The following CFAP47 variants were observed in gnomAD, a reference collection of about 807,000 sequenced individuals.
CFAP47 encodes the protein cilia and flagella associated protein 47, also known as cilia- and flagella-associated protein 47.
A neutral mutation model predicts 148.1 loss-of-function variants in CFAP47; 29 were observed. The observed-to-expected ratio is 0.20, with a 90% CI of 0.15 to 0.27. The LOEUF is 0.27. CFAP47 is among the 10% of genes least tolerant of loss of function. The probability of loss-of-function intolerance (pLI) is 1.00; values close to 1 mark genes in which losing one functional copy is unlikely to be tolerated. For missense variants in CFAP47, 1,872 were observed against 1,697.5 expected, an observed-to-expected ratio of 1.10 and a Z score of -1.81; for synonymous variants, 664 against 577.3, an observed-to-expected ratio of 1.15 and a Z score of -2.15.
chrX:36,171,353 T>C (rs1939575929), intron 39 of CFAP47, among the ~76,000 whole-genome samples: 1 of 111,379 alleles, frequency 9.0e-6, no homozygotes, highest in Admixed American at 9.6e-5. Flanking sequence ...TTTGGTGTTT[T>C]AGACATGAAG....
At chrX:36,232,864 C>T (rs1209485434) in intron 46 of CFAP47, among the ~76,000 whole-genome samples, 12 of 111,935 alleles carry the variant, frequency 1.1e-4, no homozygotes, top group African/African-American at 3.6e-4. Context: ...GCCTTCATTT[C>T]GTTATGTATC....
intron 26 of CFAP47, among the ~76,000 whole-genome samples, chrX:36,049,494 A>T (rs762637658): frequency 0.089 from 9,156 of 103,397 alleles, 958 homozygotes; most frequent in African/African-American, 0.3. Flanking sequence ...TCTCTCACAC[A>T]CACACACACA....
At chrX:36,172,329 C>T (rs1398964850) in intron 39 of CFAP47, among the ~76,000 whole-genome samples, 2 of 106,798 alleles carry the variant, frequency 1.9e-5, no homozygotes, top group Admixed American at 1.0e-4. Flanking sequence ...GAACTTCCAA[C>T]ACTATGTTGA....
chrX:35,962,185 ACAGATTT>A (rs1936341106), intron 8 of CFAP47, among the ~76,000 whole-genome samples: 1 of 111,825 alleles, frequency 8.9e-6, no homozygotes, highest in South Asian at 3.7e-4. Context: ...AACATACTGC[ACAGATTT>A]CAATCCTTTT....
In CFAP47 at chrX:36,088,789, GATTA is replaced by G. The variant is rs112806430; in HGVS notation, c.4916+3259_4916+3262del. 9.6e-3 allele frequency among the ~76,000 whole-genome samples: 1,063 copies of G among 111,137 alleles called. 7 individuals are homozygous for G. Among genetic ancestry groups the G allele is most frequent in the African/African-American group, 0.033 (1,002 of 30,609 alleles). On this transcript the variant is annotated intron_variant, in intron 30 of 63. Coordinates refer to ENST00000378653, the MANE Select transcript of CFAP47 (RefSeq NM_001304548.2). ...TTGTTTATAGTTATTATCATTTTATGATTAATTAATTTTCATTGAAAATAATAAA... is the reference window on the plus strand; with the variant it reads ...TTGTTTATAGTTATTATCATTTTATGATTAATTTTCATTGAAAATAATAAA...
chrX:35,925,960 AT>A (rs375246793), intron 1 of CFAP47, 56 bp from the exon 2 acceptor site: 6,127 of 862,675 alleles, frequency 7.1e-3, no homozygotes, highest in Admixed American at 0.011. Context: ...CAGCCATGGT[AT>A]TTTTTTTTTA....
At chrX:36,234,721 C>A (rs1940428716) in intron 46 of CFAP47, among the ~76,000 whole-genome samples, 1 of 111,618 alleles carries the variant, frequency 9.0e-6, no homozygotes, top group Non-Finnish European at 1.9e-5. Flanking sequence ...TTTTTCTGCT[C>A]TGTTTTTTCC....
chrX:36,147,243 G>T (rs1939248831), intron 36 of CFAP47, among the ~76,000 whole-genome samples: 1 of 111,407 alleles, frequency 9.0e-6, no homozygotes, highest in Non-Finnish European at 1.9e-5. Context: ...TGCAAAAAAG[G>T]AATTGAGACT....
At chrX:36,219,768 G>C (rs1940195197) in intron 45 of CFAP47, among the ~76,000 whole-genome samples, 1 of 110,969 alleles carries the variant, frequency 9.0e-6, no homozygotes, top group Admixed American at 9.6e-5. Context: ...TCTTCGAGTT[G>C]TCCCACCTTT....
chrX:35,965,486 C>A (rs1936388917), intron 8 of CFAP47, among the ~76,000 whole-genome samples: 1 of 111,649 alleles, frequency 9.0e-6, no homozygotes, highest in African/African-American at 3.2e-5. Flanking sequence ...TCTAGGTTCC[C>A]AGGAATATTT....
chrX:36,060,775 A>G (rs1218422041), intron 26 of CFAP47, among the ~76,000 whole-genome samples: 2 of 111,516 alleles, frequency 1.8e-5, no homozygotes, highest in African/African-American at 3.3e-5. Flanking sequence ...ATTAGTGTTT[A>G]TAAATAACAA....
At chrX:36,210,926 G>A (rs1308223198) in intron 45 of CFAP47, among the ~76,000 whole-genome samples, 3 of 112,165 alleles carry the variant, frequency 2.7e-5, no homozygotes, top group African/African-American at 9.7e-5. Context: ...CTACCAAGTC[G>A]TCTTAGCAGC....
chrX:36,041,925 C>CAA (rs61099689), intron 25 of CFAP47, among the ~76,000 whole-genome samples: 310 of 30,516 alleles, frequency 0.01, 6 homozygotes, highest in African/African-American at 0.028. Flanking sequence ...GACTCCATCT[C>CAA]AAAAAAAAAA....
chrX:36,247,183 C>A (rs1305620129), intron 48 of CFAP47, among the ~76,000 whole-genome samples: 1 of 111,264 alleles, frequency 9.0e-6, no homozygotes, highest in Non-Finnish European at 1.9e-5. Context: ...AACAGAAAAC[C>A]AAATACTGCA....
In CFAP47 at chrX:36,349,926, A is replaced by G. The variant is rs1235990213; in HGVS notation, c.8604-112A>G. ...TCTTTCATCAGTTGCTCTCTACCAA[A>G]GTCTGAATTTACAAGCTTTACTAAA... On this transcript the variant is annotated intron_variant, in intron 58 of 63. Transcript: ENST00000378653. 5 of 408,603 alleles carry G rather than the reference A, an allele frequency of 1.2e-5. No homozygotes were observed. In the Admixed American group the frequency reaches 2.4e-4, roughly 19 times the overall value. The allele number at this position is 408,603 out of a possible 1,213,427, so 33.7% of individuals were successfully genotyped here.
intron 57 of CFAP47, among the ~76,000 whole-genome samples, chrX:36,346,176 G>A (rs116160083): frequency 0.015 from 1,673 of 110,928 alleles, 27 homozygotes; most frequent in African/African-American, 0.052. Context: ...TTGTCCAAGA[G>A]GTAATTTGTT....
At chrX:36,110,949 C>T (rs987193461) in intron 33 of CFAP47, among the ~76,000 whole-genome samples, 8 of 111,494 alleles carry the variant, frequency 7.2e-5, no homozygotes, top group African/African-American at 2.6e-4. Context: ...TCTGTATGTT[C>T]CTTTTGTGTC....
chrX:36,257,770 A>G (rs1208597880), intron 49 of CFAP47, among the ~76,000 whole-genome samples: 1 of 111,778 alleles, frequency 8.9e-6, no homozygotes, highest in Non-Finnish European at 1.9e-5. Context: ...TTACAGTGGC[A>G]AGTCTTTGGA....
At chrX:36,282,458 G>C (rs1556003805) in intron 50 of CFAP47, among the ~76,000 whole-genome samples, 1 of 111,281 alleles carries the variant, frequency 9.0e-6, no homozygotes, top group Non-Finnish European at 1.9e-5. Context: ...CATATTAACA[G>C]GTTGAAAGAT....
Sources: allele counts gnomAD v4.1 joint callset (sites outside exome capture counted in the v4.1 genomes callset), GRCh38; gene constraint gnomAD v4.1.1; transcripts MANE v1.5; gene names NCBI Gene and HGNC (gene_info 2026-07-23, HGNC 2026-07-21).